SRD5A2: variants seen among roughly 807,000 people sequenced by gnomAD.
SRD5A2 encodes the protein 3-oxo-5-alpha-steroid 4-dehydrogenase 2.
A neutral mutation model predicts 27.4 loss-of-function variants in SRD5A2; 30 were observed. That is an observed-to-expected ratio of 1.10 (90% CI 0.82 to 1.49). The LOEUF (loss-of-function observed/expected upper bound fraction) is 1.49. Ranked by LOEUF, SRD5A2 falls within the 40% of genes most tolerant of loss-of-function variation. The pLI is 0.00. For missense variants in SRD5A2, 348 were observed against 323.4 expected, an observed-to-expected ratio of 1.08 and a Z score of -0.58; for synonymous variants, 141 against 133.6, an observed-to-expected ratio of 1.06 and a Z score of -0.38.
chr2:31,595,909 T>G, the SRD5A2 span, among the ~76,000 whole-genome samples: 1 of 152,098 alleles, frequency 6.6e-6, no homozygotes, highest in South Asian at 2.1e-4. Context: ...TATATGCAAG[T>G]CAATAAATGT....
Position 31,580,752 on chromosome 2 carries a change from C to A in SRD5A2, c.149G>T (p.Arg50Leu). The A allele has an allele frequency of 1.9e-6, 3 of 1,610,478 alleles. No individual in the cohort carries two copies. Among genetic ancestry groups the A allele is most frequent in the Non-Finnish European group, 2.5e-6 (3 of 1,179,612 alleles). ...CAGCTCCTGCAGGAACCAGGCGGCG[C>A]GGGCTGGCAGGCGGGTAGCCGCCGG... is the stretch of plus-strand genomic sequence containing the variant. ...LKPAATRLPA[R>L]AAWFLQELPS... Residue 50 changes from arginine (R) to leucine (L), a missense_variant, in exon 1 of 5, where the codon CGC becomes CTC. Arg to Leu is a moderately radical substitution (Grantham distance 102). Coordinates refer to ENST00000622030, the MANE Select transcript of SRD5A2 (RefSeq NM_000348.4).
intron 1 of SRD5A2, among the ~76,000 whole-genome samples, chr2:31,572,160 T>C (rs906964402): frequency 6.6e-5 from 10 of 152,208 alleles, no homozygotes; most frequent in African/African-American, 1.4e-4. Context: ...TGAAAAATAA[T>C]GAGATCATGT....
the SRD5A2 span, among the ~76,000 whole-genome samples, chr2:31,605,026 A>G: frequency 6.6e-6 from 1 of 151,952 alleles, no homozygotes; most frequent in Non-Finnish European, 1.5e-5. Context: ...GATTTTCAAC[A>G]CAAGTGCCAA....
chr2:31,640,600 G>A, the SRD5A2 span, among the ~76,000 whole-genome samples: 5 of 152,240 alleles, frequency 3.3e-5, no homozygotes, highest in Middle Eastern at 3.4e-3. Context: ...AGCATTGCCT[G>A]TTCCAAATAG....
chr2:31,643,823 G>A, the SRD5A2 span, among the ~76,000 whole-genome samples: 1 of 152,182 alleles, frequency 6.6e-6, no homozygotes, highest in Non-Finnish European at 1.5e-5. Flanking sequence ...ATGTGTCCAT[G>A]CTGATATGAA....
Position 31,526,223 on chromosome 2 carries a change from C to T in SRD5A2, c.738G>A (p.Arg246=). The T allele has an allele frequency of 1.3e-6, 2 of 1,590,028 alleles. No individual in the cohort carries two copies. Among genetic ancestry groups the T allele is most frequent in the African/African-American group, 1.3e-5 (1 of 74,504 alleles). Residue 246 remains arginine, a synonymous_variant, in exon 5 of 5, where the codon CGG becomes CGA. Coordinates refer to ENST00000622030, the MANE Select transcript of SRD5A2 (RefSeq NM_000348.4). ...LKMFEDYPKS[R]KALIPFIF ...AAAAGATGAATGGAATAAGGGCTTT[C>T]CGAGATTTGGGGTAGTCCTCAAACA... is the stretch of plus-strand genomic sequence containing the variant.
intron 1 of SRD5A2, among the ~76,000 whole-genome samples, chr2:31,570,664 C>T (rs1254260082): frequency 6.6e-6 from 1 of 152,220 alleles, no homozygotes; most frequent in Non-Finnish European, 1.5e-5. Context: ...GTCTGATAAA[C>T]AACTTCAGTA....
Position 31,524,925 on chromosome 2 carries a change from C to T in SRD5A2, c.*1271G>A, listed in dbSNP as rs996048110. 1.8e-5 allele frequency: 4 copies of T among 225,150 alleles called. No homozygotes were observed. Among genetic ancestry groups the T allele is most frequent in the Non-Finnish European group, 3.5e-5 (4 of 113,074 alleles). 13.9% of individuals were successfully genotyped at this position (225,150 alleles called of 1,614,324 possible). A position where few individuals can be genotyped will look rare whatever the true frequency, so the allele number is the denominator to read the frequency against. The stretch of plus-strand genomic sequence containing the variant: ...TCAAATGCTTACTAGCTACGTAGTT[C>T]CAGTTCTGGTGTGGAAATGTGGGCT... On this transcript the variant is annotated 3_prime_UTR_variant, in exon 5 of 5. Coordinates refer to ENST00000622030, the MANE Select transcript of SRD5A2 (RefSeq NM_000348.4).
the SRD5A2 span, among the ~76,000 whole-genome samples, chr2:31,621,966 T>G: frequency 6.6e-6 from 1 of 152,046 alleles, no homozygotes; most frequent in Non-Finnish European, 1.5e-5. Flanking sequence ...TTTAATTTTT[T>G]TCTTGAACTT....
chr2:31,623,781 A>C, the SRD5A2 span, among the ~76,000 whole-genome samples: 1 of 152,074 alleles, frequency 6.6e-6, no homozygotes, highest in Non-Finnish European at 1.5e-5. Context: ...TGTTCCTTCA[A>C]TATCTAGTTT....
the SRD5A2 span, among the ~76,000 whole-genome samples, chr2:31,603,360 T>A: frequency 1.3e-5 from 2 of 152,042 alleles, no homozygotes; most frequent in Non-Finnish European, 2.9e-5. Context: ...AGGTACCATC[T>A]CATGCCAGTC....
upstream of SRD5A2, among the ~76,000 whole-genome samples, chr2:31,583,302 A>G (rs1314621361): frequency 6.6e-6 from 1 of 152,248 alleles, no homozygotes; most frequent in Non-Finnish European, 1.5e-5. Context: ...GCTCAGGCCA[A>G]GAACAAGCAC....
chr2:31,652,147 G>A, the SRD5A2 span, among the ~76,000 whole-genome samples: 1 of 152,008 alleles, frequency 6.6e-6, no homozygotes, highest in Admixed American at 6.6e-5. Context: ...GTAGAGACGG[G>A]GTTTTGCCAT....
At chr2:31,612,832 G>A in the SRD5A2 span, among the ~76,000 whole-genome samples, 1 of 152,094 alleles carries the variant, frequency 6.6e-6, no homozygotes, top group Non-Finnish European at 1.5e-5. Flanking sequence ...TTTGACCGAG[G>A]GAACAGGATA....
chr2:31,596,676 T>C, the SRD5A2 span, among the ~76,000 whole-genome samples: 1 of 152,126 alleles, frequency 6.6e-6, no homozygotes, highest in Non-Finnish European at 1.5e-5. Context: ...CACAAATCAG[T>C]AGCTCTGCTA....
At chr2:31,567,136 A>G (rs1666746720) in intron 1 of SRD5A2, among the ~76,000 whole-genome samples, 1 of 152,206 alleles carries the variant, frequency 6.6e-6, no homozygotes, top group Non-Finnish European at 1.5e-5. Context: ...GGTAACTTCC[A>G]GTGTTTCACA....
intron 1 of SRD5A2, among the ~76,000 whole-genome samples, chr2:31,537,414 A>G (rs552056996): frequency 3.9e-5 from 6 of 152,112 alleles, no homozygotes; most frequent in African/African-American, 1.4e-4. Context: ...TGGTGGGGCC[A>G]CCAGAGACCA....
chr2:31,527,416 T>C (rs1177117536), intron 4 of SRD5A2: 2 of 152,450 alleles, frequency 1.3e-5, no homozygotes, highest in South Asian at 2.1e-4. Context: ...CTGCCTCTGA[T>C]GTGAGTGCCT....
At chr2:31,561,840 C>G (rs1170176529) in intron 1 of SRD5A2, among the ~76,000 whole-genome samples, 1 of 152,084 alleles carries the variant, frequency 6.6e-6, no homozygotes, top group East Asian at 1.9e-4. Context: ...CAAAGAGAAT[C>G]AGATCAACTT....
Sources: allele counts gnomAD v4.1 joint callset (sites outside exome capture counted in the v4.1 genomes callset), GRCh38; gene constraint gnomAD v4.1.1; transcripts MANE v1.5; gene names NCBI Gene and HGNC (gene_info 2026-07-23, HGNC 2026-07-21).